TPD52: variants seen among roughly 807,000 people sequenced by gnomAD.
TPD52 encodes the protein tumor protein D52.
Under a neutral mutation model 31.3 loss-of-function variants are expected in TPD52, and 17 were observed. That is an observed-to-expected ratio of 0.54 (90% CI 0.37 to 0.82). The LOEUF (loss-of-function observed/expected upper bound fraction) is 0.82. Ranked by LOEUF, TPD52 falls within the 40% of genes least tolerant of loss-of-function variation. The pLI is 0.00. For missense variants in TPD52, 212 were observed against 240.1 expected, an observed-to-expected ratio of 0.88 and a Z score of 0.77; for synonymous variants, 83 against 89.6, an observed-to-expected ratio of 0.93 and a Z score of 0.42.
intron 1 of TPD52, among the ~76,000 whole-genome samples, chr8:80,134,633 A>G (rs1809261743): frequency 6.6e-6 from 1 of 152,200 alleles, no homozygotes; most frequent in Non-Finnish European, 1.5e-5. Context: ...TTCTGATCCG[A>G]GAGAGAGTGT....
intron 1 of TPD52, among the ~76,000 whole-genome samples, chr8:80,120,805 C>T (rs889012880): frequency 1.3e-5 from 2 of 151,926 alleles, no homozygotes; most frequent in East Asian, 1.9e-4. Flanking sequence ...TCAGACTGGA[C>T]GGGGTGGTTC....
intron 5 of TPD52, among the ~76,000 whole-genome samples, chr8:80,045,923 A>C (rs997849376): frequency 6.6e-6 from 1 of 152,202 alleles, no homozygotes; most frequent in African/African-American, 2.4e-5. Flanking sequence ...TAATGGCCAA[A>C]TATGTGATAA....
intron 1 of TPD52, among the ~76,000 whole-genome samples, chr8:80,163,914 CAAAACAA>C (rs1811527593): frequency 6.7e-6 from 1 of 149,982 alleles, no homozygotes; most frequent in Non-Finnish European, 1.5e-5. Flanking sequence ...AAATAATATC[CAAAACAA>C]AAAACAAAAC....
chr8:80,110,593 A>AATG (rs1807435773), intron 1 of TPD52, among the ~76,000 whole-genome samples: 2 of 45,550 alleles, frequency 4.4e-5, no homozygotes, highest in African/African-American at 1.3e-4. Flanking sequence ...TAAATAAATG[A>AATG]AAAAAAAAAA....
chr8:80,065,335 T>C (rs1157283032), intron 1 of TPD52, among the ~76,000 whole-genome samples: 1 of 151,428 alleles, frequency 6.6e-6, no homozygotes, highest in African/African-American at 2.4e-5. Context: ...GATACCCTTA[T>C]AAAAGAATAC....
intron 1 of TPD52, among the ~76,000 whole-genome samples, chr8:80,084,931 C>T (rs1310306676): frequency 6.6e-6 from 1 of 151,870 alleles, no homozygotes; most frequent in Non-Finnish European, 1.5e-5. Flanking sequence ...CAAATGCCTA[C>T]TAAAAATGGA....
At chr8:80,101,010 G>A (rs2130928231) in intron 1 of TPD52, among the ~76,000 whole-genome samples, 1 of 152,310 alleles carries the variant, frequency 6.6e-6, no homozygotes, top group Middle Eastern at 3.4e-3. Context: ...CATCATTCCT[G>A]AGCTCAGAGT....
intron 1 of TPD52, chr8:80,080,272 G>C (rs755240031): frequency 6.3e-7 from 1 of 1,586,646 alleles, no homozygotes; most frequent in South Asian, 1.1e-5. Flanking sequence ...TTATGTCTAG[G>C]TTTTATTCCA....
At chr8:80,061,887 A>G (rs181365380) in intron 2 of TPD52, among the ~76,000 whole-genome samples, 19 of 152,352 alleles carry the variant, frequency 1.2e-4, no homozygotes, top group Non-Finnish European at 2.5e-4. Flanking sequence ...AGACTCGTAC[A>G]TAGAAAAATG....
chr8:80,053,196 ATCC>A, intron 3 of TPD52, 83 bp downstream of exon 3: 1 of 1,443,344 alleles, frequency 6.9e-7, no homozygotes, highest in South Asian at 1.5e-5. Context: ...AAGCATCCTT[ATCC>A]TCTTTTTCTT....
intron 1 of TPD52, among the ~76,000 whole-genome samples, chr8:80,138,544 T>C (rs931152492): frequency 4.6e-5 from 7 of 152,156 alleles, no homozygotes; most frequent in Non-Finnish European, 1.0e-4. Flanking sequence ...GTTGAAAACA[T>C]AGTCCTCATA....
At position 80,037,097 on chromosome 8, in the gene TPD52, A is replaced by T. The variant is rs879615532; in HGVS notation, c.*1019T>A. 9.2e-5 allele frequency: 14 copies of T among 152,616 alleles called. No individual in the cohort carries two copies. The highest frequency in any genetic ancestry group is 1.6e-4 in the Non-Finnish European group (11 of 68,002). The allele number at this position is 152,616 out of a possible 1,614,324, so 9.5% of individuals were successfully genotyped here. Reference sequence around the variant, plus strand: ...ATGATGAGTTGATTTTTATTAATGCATTACATCCTCAAGAGTTATCACCAA... The same window carrying T: ...ATGATGAGTTGATTTTTATTAATGCTTTACATCCTCAAGAGTTATCACCAA... On this transcript the variant is annotated 3_prime_UTR_variant, in exon 8 of 8. Coordinates refer to ENST00000518937, the MANE Select transcript of TPD52 (RefSeq NM_001025253.3).
intron 2 of TPD52, among the ~76,000 whole-genome samples, chr8:80,058,398 G>A (rs979881272): frequency 6.6e-6 from 1 of 152,134 alleles, no homozygotes. Context: ...AATGGACTAC[G>A]CAGCAATTTA....
intron 1 of TPD52, among the ~76,000 whole-genome samples, chr8:80,092,649 A>C (rs1816368763): frequency 6.6e-6 from 1 of 152,224 alleles, no homozygotes; most frequent in African/African-American, 2.4e-5. Context: ...CATTATGTTA[A>C]GTGAAATAAG....
chr8:80,094,526 C>T (rs1291014102), intron 1 of TPD52, among the ~76,000 whole-genome samples: 1 of 128,646 alleles, frequency 7.8e-6, no homozygotes, highest in African/African-American at 2.8e-5. Context: ...AGATTGTTGC[C>T]AATAGCCACT....
At chr8:80,065,146 G>A (rs1453553784) in intron 1 of TPD52, among the ~76,000 whole-genome samples, 1 of 151,414 alleles carries the variant, frequency 6.6e-6, no homozygotes, top group Admixed American at 6.6e-5. Flanking sequence ...TTTTTTTGTT[G>A]TTTGTTTGTT....
intron 1 of TPD52, among the ~76,000 whole-genome samples, chr8:80,083,137 T>C (rs1346720565): frequency 1.3e-5 from 2 of 152,022 alleles, no homozygotes; most frequent in East Asian, 3.9e-4. Context: ...AATGGAAATG[T>C]AGCTTGGGGG....
At chr8:80,100,721 T>C (rs1818644021) in intron 1 of TPD52, among the ~76,000 whole-genome samples, 1 of 152,196 alleles carries the variant, frequency 6.6e-6, no homozygotes, top group Non-Finnish European at 1.5e-5. Context: ...TGGCATTAGA[T>C]TCTAGTTCAA....
intron 1 of TPD52, among the ~76,000 whole-genome samples, chr8:80,107,548 TTCTG>T (rs988023593): frequency 6.6e-6 from 1 of 152,192 alleles, no homozygotes; most frequent in African/African-American, 2.4e-5. Flanking sequence ...CGTTATCTCC[TTCTG>T]TCTGTCTTTG....
Sources: allele counts gnomAD v4.1 joint callset (sites outside exome capture counted in the v4.1 genomes callset), GRCh38; gene constraint gnomAD v4.1.1; transcripts MANE v1.5; gene names NCBI Gene and HGNC (gene_info 2026-07-23, HGNC 2026-07-21).